PCDHGA8: variants seen among roughly 807,000 people sequenced by gnomAD.
PCDHGA8 encodes protocadherin gamma-A8.
A neutral mutation model predicts 59.2 loss-of-function variants in PCDHGA8; 45 were observed. The observed-to-expected ratio is 0.76, with a 90% CI of 0.60 to 0.98. The LOEUF is 0.98. Ranked by LOEUF, PCDHGA8 falls within the 50% of genes least tolerant of loss-of-function variation. The probability of loss-of-function intolerance (pLI) is 0.00; values close to 1 mark genes in which losing one functional copy is unlikely to be tolerated. For synonymous variants in PCDHGA8, 531 were observed against 519.0 expected (o/e 1.02, Z -0.32); for missense variants, 1,257 against 1,196.2 (o/e 1.05, Z -0.75).
At chr5:141,422,040 C>T (rs1045003805) in intron 1 of PCDHGA8, 10 of 1,611,324 alleles carry the variant, frequency 6.2e-6, no homozygotes, top group African/African-American at 4.0e-5. Context: ...CGGATCCAGA[C>T]GAGGGAATCA....
At position 141,432,297 on chromosome 5, in the gene PCDHGA8, T is replaced by C. The variant is rs1339659774; in HGVS notation, c.2424+37060T>C. 3.1e-6 allele frequency: 5 copies of C among 1,614,040 alleles called. No individual in the cohort carries two copies. The highest frequency in any genetic ancestry group is 1.7e-5 in the Admixed American group (1 of 60,006). ...GTGTCCATCAACTCCGACACTGGGG[T>C]ACTGTATGCGCTGAGCTCCTTCGAC... On this transcript the variant is annotated intron_variant, in intron 1 of 3. Transcript: ENST00000398604. This position sits in a 1 kb window ranked among gnomAD's most constrained non-coding sequence, Gnocchi z 6.0.
intron 1 of PCDHGA8, chr5:141,427,998 C>G: frequency 6.2e-7 from 1 of 1,600,956 alleles, no homozygotes; most frequent in Non-Finnish European, 8.6e-7. Context: ...TGGCTCCGCA[C>G]TCTTCGATAT....
intron 1 of PCDHGA8, among the ~76,000 whole-genome samples, chr5:141,479,107 G>A (rs1212999480): frequency 6.6e-6 from 1 of 152,090 alleles, no homozygotes; most frequent in Non-Finnish European, 1.5e-5. Flanking sequence ...TTTATTTCAA[G>A]CATTCTACTG....
intron 2 of PCDHGA8, among the ~76,000 whole-genome samples, chr5:141,502,759 C>T (rs535899844): frequency 9.9e-5 from 15 of 152,130 alleles, no homozygotes; most frequent in African/African-American, 3.6e-4. Context: ...CATGTATTTG[C>T]TGGTATTCTT....
In PCDHGA8 at chr5:141,487,636, AC is replaced by A. The variant is rs1562120737; in HGVS notation, c.2425-7170del. On this transcript the variant is annotated intron_variant, in intron 1 of 3. Coordinates refer to ENST00000398604, the MANE Select transcript of PCDHGA8 (RefSeq NM_032088.2). The surrounding 1 kb of genome is among the most constrained non-coding windows in gnomAD (Gnocchi z 5.0). ...TAGAGGTGAGACCTTTGCAGGCTCA[AC>A]AAATGCTTGAGGGTTATTCTGATCC... 1 of 1,614,192 alleles carries A rather than the reference AC, an allele frequency of 6.2e-7. No individual in the cohort carries two copies. The highest frequency in any genetic ancestry group is 2.2e-5 in the East Asian group (1 of 44,886).
chr5:141,394,803 G>A lies in PCDHGA8; in HGVS notation c.1990G>A (p.Val664Met), dbSNP rs143444747. The A allele has an allele frequency of 2.5e-6, 4 of 1,613,844 alleles. No homozygotes were observed. In the African/African-American group the frequency reaches 4.0e-5, roughly 16 times the overall value. The change falls in exon 1 of 4, where the codon GTG becomes ATG. Residue 664 changes from valine (V) to methionine (M), a missense_variant. Physicochemically the swap from Val to Met is conservative, Grantham distance 21. Coordinates refer to ENST00000398604, the MANE Select transcript of PCDHGA8 (RefSeq NM_032088.2). ...LSATVTLTVAVADSIPEVLTE... is the reference protein window; with the variant it reads ...LSATVTLTVAMADSIPEVLTE... Reference sequence around the variant, plus strand: ...CGCCACTGTCACGCTCACCGTAGCCGTGGCTGACAGCATCCCCGAAGTCCT... The same window carrying A: ...CGCCACTGTCACGCTCACCGTAGCCATGGCTGACAGCATCCCCGAAGTCCT...
At chr5:141,397,984 A>G in intron 1 of PCDHGA8, 18 of 1,310,016 alleles carry the variant, frequency 1.4e-5, no homozygotes, top group Non-Finnish European at 1.9e-5. Flanking sequence ...CGGCCTTTAC[A>G]CCGCTTCCTC....
chr5:141,404,129 A>G (rs753217773), intron 1 of PCDHGA8: 6 of 1,613,162 alleles, frequency 3.7e-6, no homozygotes, highest in Non-Finnish European at 5.1e-6. Context: ...TCTATCTTTT[A>G]CATTAGAAAA....
chr5:141,413,785 C>T (rs771027783), intron 1 of PCDHGA8: 1 of 1,613,186 alleles, frequency 6.2e-7, no homozygotes, highest in Non-Finnish European at 8.5e-7. Flanking sequence ...GGAGCACTCC[C>T]TAGATCGCGA....
At chr5:141,450,006 CTTTTTTT>C (rs1554136305) in intron 1 of PCDHGA8, among the ~76,000 whole-genome samples, 12 of 132,986 alleles carry the variant, frequency 9.0e-5, no homozygotes, top group Non-Finnish European at 1.7e-4. Context: ...TGCCATGTCT[CTTTTTTT>C]TTTTTTTTTT....
At chr5:141,422,546 GGC>G in intron 1 of PCDHGA8, 8 of 1,613,972 alleles carry the variant, frequency 5.0e-6, no homozygotes, top group Non-Finnish European at 6.8e-6. Flanking sequence ...ACTCATGTCT[GGC>G]TGAATGTGGC....
Position 141,410,173 on chromosome 5 carries a change from C to G in PCDHGA8, c.2424+14936C>G, listed in dbSNP as rs544938164. ...GTGGACAGCCGCCACTCTCTGCCACCGCCACGCTTCATCTGGTCTTCGCAG... is the reference window on the plus strand; with the variant it reads ...GTGGACAGCCGCCACTCTCTGCCACGGCCACGCTTCATCTGGTCTTCGCAG... On this transcript the variant is annotated intron_variant, in intron 1 of 3. Coordinates refer to ENST00000398604, the MANE Select transcript of PCDHGA8 (RefSeq NM_032088.2). The G allele has an allele frequency of 6.2e-6, 10 of 1,613,842 alleles. No individual in the cohort carries two copies. The African/African-American group carries it at 9.3e-5, about 15-fold the overall frequency.
At chr5:141,498,971 GGGAAGGAA>G (rs201769957) in intron 2 of PCDHGA8, among the ~76,000 whole-genome samples, 18,877 of 110,786 alleles carry the variant, frequency 0.17, 1,784 homozygotes, top group Admixed American at 0.31. Context: ...GAGGGAGGGA[GGGAAGGAA>G]GGAAGGAAGG....
rs573580017 is a variant in PCDHGA8, at chr5:141,484,867, G to T, written c.2425-9940G>T. 33 of 282,678 alleles carry T rather than the reference G, an allele frequency of 1.2e-4. No individual in the cohort carries two copies. The South Asian group carries it at 1.6e-3, about 14-fold the overall frequency. The allele number at this position is 282,678 out of a possible 1,614,324, so 17.5% of individuals were successfully genotyped here. On this transcript the variant is annotated intron_variant, in intron 1 of 3. Transcript: ENST00000398604. ...TGGGTTTTTTGGGGGGTGGGGGAGC[G>T]TGGAGGATAGGGTGGGCTTTTTCCC...
chr5:141,395,264 A>C (rs2093207486), intron 1 of PCDHGA8, 27 bp downstream of exon 1: 1 of 1,549,832 alleles, frequency 6.5e-7, no homozygotes, highest in Non-Finnish European at 8.7e-7. Context: ...GCTTGCTTTT[A>C]ATTTCCAGAT....
chr5:141,411,258 A>G (rs1415319110), intron 1 of PCDHGA8: 1 of 152,200 alleles, frequency 6.6e-6, no homozygotes, highest in African/African-American at 2.4e-5. Flanking sequence ...TATCTTATTT[A>G]TATATTTTTA....
chr5:141,395,414 T>A (rs1254527655), intron 1 of PCDHGA8, 177 bp downstream of exon 1: 7 of 780,958 alleles, frequency 9.0e-6, no homozygotes, highest in Non-Finnish European at 1.4e-5. Flanking sequence ...TAGGTTATTG[T>A]TTCATTTGCT....
At chr5:141,483,753 G>A (rs1316976446) in intron 1 of PCDHGA8, among the ~76,000 whole-genome samples, 1 of 152,082 alleles carries the variant, frequency 6.6e-6, no homozygotes, top group Non-Finnish European at 1.5e-5. Flanking sequence ...CCTGAGGATC[G>A]AGGCTTGGAA....
At chr5:141,482,116 T>C (rs1017195289) in intron 1 of PCDHGA8, among the ~76,000 whole-genome samples, 4 of 150,222 alleles carry the variant, frequency 2.7e-5, no homozygotes, top group South Asian at 2.1e-4. Context: ...TATCTAGAGA[T>C]GGGAGAATCA....
Sources: gnomAD v4.1 joint callset for allele counts (sites outside exome capture counted in the v4.1 genomes callset) on GRCh38, gnomAD v4.1.1 for gene constraint, Gnocchi (gnomAD v3.1) non-coding constraint, MANE v1.5 for transcripts, NCBI Gene and HGNC (gene_info 2026-07-23, HGNC 2026-07-21) for gene names.